PLB1: variants seen among roughly 807,000 people sequenced by gnomAD.
PLB1 encodes phospholipase B1, also known as phospholipase B1, membrane-associated.
A neutral mutation model predicts 227.4 loss-of-function variants in PLB1; 242 were observed. That is an observed-to-expected ratio of 1.06 (90% confidence interval 0.96 to 1.18). The LOEUF is 1.18. Ranked by LOEUF, PLB1 falls within the 50% of genes most tolerant of loss-of-function variation. PLB1 has a pLI of 0.00. For synonymous variants in PLB1, 757 were observed against 682.2 expected (o/e 1.11, Z -1.71); for missense variants, 1,858 against 1,816.3 (o/e 1.02, Z -0.42).
chr2:28,626,500 G>A lies in PLB1; in HGVS notation c.3652G>A (p.Glu1218Lys), dbSNP rs1029165682. ...IGVNDLCHYCENPEAHLATEY... is the reference protein window; with the variant it reads ...IGVNDLCHYCKNPEAHLATEY... ...GGTCAACGACTTGTGTCATTACTGT[G>A]AGAATCCGGTAGGCCCCCGACCAAC... Residue 1218 changes from glutamate to lysine, a missense_variant, in exon 51 of 58, where the codon GAG becomes AAG. By Grantham distance (56) the Glu-to-Lys change is moderately conservative. Transcript: ENST00000327757. The A allele has an allele frequency of 2.5e-6, 4 of 1,613,962 alleles. No individual in the cohort carries two copies. The African/African-American group carries it at 5.3e-5, about 22-fold the overall frequency.
chr2:28,599,829 G>A (rs1181714002), intron 35 of PLB1, among the ~76,000 whole-genome samples: 1 of 152,052 alleles, frequency 6.6e-6, no homozygotes, highest in African/African-American at 2.4e-5. Context: ...TGGCCAGGCT[G>A]GTCTCAAACT....
At chr2:28,597,638 G>T (rs13006819) in intron 33 of PLB1, among the ~76,000 whole-genome samples, 10,850 of 152,192 alleles carry the variant, frequency 0.071, 545 homozygotes, top group Non-Finnish European at 0.11. Flanking sequence ...TAACCTCTGT[G>T]CACCTCATTT....
chr2:28,575,759 G>A (rs1284513723), intron 21 of PLB1, among the ~76,000 whole-genome samples: 1 of 152,126 alleles, frequency 6.6e-6, no homozygotes. Flanking sequence ...CACCGTGTTA[G>A]CCAGGTTGGT....
At chr2:28,517,134 C>A (rs1233524596) in intron 2 of PLB1, among the ~76,000 whole-genome samples, 1 of 152,208 alleles carries the variant, frequency 6.6e-6, no homozygotes, top group Non-Finnish European at 1.5e-5. Flanking sequence ...GGCTTGTTAT[C>A]TCCATGAACC....
intron 12 of PLB1, among the ~76,000 whole-genome samples, chr2:28,541,112 C>T (rs1672416734): frequency 6.6e-6 from 1 of 152,062 alleles, no homozygotes. Context: ...GTGGAGGTTG[C>T]AGTGAGCCGA....
intron 56 of PLB1, among the ~76,000 whole-genome samples, chr2:28,637,351 G>A (rs570465727): frequency 9.3e-5 from 14 of 151,246 alleles, no homozygotes; most frequent in Admixed American, 2.0e-4. Flanking sequence ...GTGCCTGACC[G>A]GGCTTATCCC....
intron 1 of PLB1, among the ~76,000 whole-genome samples, chr2:28,509,914 AGGGTTAGTG>A (rs983613340): frequency 1.3e-5 from 2 of 152,130 alleles, no homozygotes; most frequent in Admixed American, 1.3e-4. Flanking sequence ...TGTCGCTCCA[AGGGTTAGTG>A]GGGCCAGAAG....
chr2:28,502,803 A>G (rs1390512710), intron 1 of PLB1, among the ~76,000 whole-genome samples: 1 of 151,768 alleles, frequency 6.6e-6, no homozygotes, highest in East Asian at 1.9e-4. Flanking sequence ...ATAATAATGG[A>G]TTTTTTTTCC....
chr2:28,507,463 T>G (rs1667760421), intron 1 of PLB1, among the ~76,000 whole-genome samples: 1 of 152,140 alleles, frequency 6.6e-6, no homozygotes, highest in Admixed American at 6.6e-5. Flanking sequence ...CATCCTTTTA[T>G]AACAAAACCA....
rs112085758 is a variant in PLB1 at position 28,499,523 on chromosome 2, GTTTT to G, written c.55+3367_55+3370del. Reference sequence around the variant, plus strand: ...TGTGCCGGCTGGTGCCTGCACAACAGTTTTTTTTTTTTTTTTAAAGAGGTGATGA... The same window carrying G: ...TGTGCCGGCTGGTGCCTGCACAACAGTTTTTTTTTTTTAAAGAGGTGATGA... On this transcript the variant is annotated intron_variant, in intron 1 of 57. Coordinates refer to ENST00000327757, the MANE Select transcript of PLB1 (RefSeq NM_153021.5). 2.0e-4 allele frequency among the ~76,000 whole-genome samples: 27 copies of G among 136,754 alleles called. 1 individual carries two copies. The highest frequency in any genetic ancestry group is 7.6e-3 in the Middle Eastern group (2 of 264). 89.7% of individuals were successfully genotyped at this position (136,754 alleles called of 152,430 possible). A position where few individuals can be genotyped will look rare whatever the true frequency, so the allele number is the denominator to read the frequency against.
chr2:28,539,258 G>C, intron 11 of PLB1, 80 bp downstream of exon 11: 1 of 1,270,332 alleles, frequency 7.9e-7, no homozygotes, highest in South Asian at 1.2e-5. Context: ...TTCATGTGCC[G>C]TAATCTATGA....
chr2:28,635,758 T>C (rs1469246027), intron 56 of PLB1, among the ~76,000 whole-genome samples: 1 of 152,186 alleles, frequency 6.6e-6, no homozygotes, highest in Non-Finnish European at 1.5e-5. Flanking sequence ...TCCTCTGCCT[T>C]CTTCTGTCTT....
At chr2:28,536,732 G>A (rs909908533) in intron 9 of PLB1, among the ~76,000 whole-genome samples, 9 of 152,178 alleles carry the variant, frequency 5.9e-5, no homozygotes, top group Non-Finnish European at 1.2e-4. Context: ...TTGGGTTCTA[G>A]GAGTTTATTA....
rs149152234 is a variant in PLB1, at chr2:28,643,279, G to A, written c.*218G>A. 3.8e-4 allele frequency: 172 copies of A among 454,020 alleles called. 1 individual carries two copies. The East Asian group carries it at 5.6e-3, about 15-fold the overall frequency. 28.1% of individuals were successfully genotyped at this position (454,020 alleles called of 1,614,324 possible). A position where few individuals can be genotyped will look rare whatever the true frequency, so the allele number is the denominator to read the frequency against. On this transcript the variant is annotated 3_prime_UTR_variant, in exon 58 of 58. Coordinates refer to ENST00000327757, the MANE Select transcript of PLB1 (RefSeq NM_153021.5). ...CCAAAGCTATTTTATTCCTGGGTTT[G>A]CCTGCGTGAAGCACTCACCTTCCAT...
At chr2:28,620,474 C>T (rs1686876732) in intron 47 of PLB1, 126 bp from the exon 48 acceptor site, 3 of 1,378,636 alleles carry the variant, frequency 2.2e-6, no homozygotes, top group Non-Finnish European at 3.0e-6. Flanking sequence ...CTTGCATTAC[C>T]CCTGAGGGTG....
chr2:28,543,400 A>T (rs1037410490), intron 14 of PLB1, 132 bp downstream of exon 14: 3 of 930,852 alleles, frequency 3.2e-6, no homozygotes, highest in Non-Finnish European at 4.7e-6. Context: ...GCCACCAGGG[A>T]TGCTTCTGTC....
At position 28,633,007 on chromosome 2, in the gene PLB1, G is replaced by A. The variant is rs573290788; in HGVS notation, c.4066G>A (p.Ala1356Thr). The A allele has an allele frequency of 6.2e-7, 1 of 1,614,112 alleles. No homozygotes were observed. ...TTTTCACTTCTCAGACCGCGGGCATGCCGAGATGGCCATCGCACTCTGGAA... is the reference window on the plus strand; with the variant it reads ...TTTTCACTTCTCAGACCGCGGGCATACCGAGATGGCCATCGCACTCTGGAA... ...DCFHFSDRGH[A>T]EMAIALWNNM... Residue 1356 changes from alanine to threonine, a missense_variant, in exon 56 of 58, where the codon GCC becomes ACC. By Grantham distance (58) the Ala-to-Thr change is moderately conservative. Transcript: ENST00000327757.
At chr2:28,497,349 C>T (rs1198053659) in intron 1 of PLB1, among the ~76,000 whole-genome samples, 8 of 152,206 alleles carry the variant, frequency 5.3e-5, no homozygotes, top group Non-Finnish European at 8.8e-5. Context: ...ATTCAGAGCT[C>T]GCTGTAGCGA....
intron 56 of PLB1, among the ~76,000 whole-genome samples, chr2:28,635,316 C>G (rs1158798505): frequency 6.6e-6 from 1 of 152,038 alleles, no homozygotes; most frequent in Non-Finnish European, 1.5e-5. Flanking sequence ...CCTAGAGTAA[C>G]AAAAAATAAA....
Sources: gnomAD v4.1 joint callset for allele counts (sites outside exome capture counted in the v4.1 genomes callset) on GRCh38, gnomAD v4.1.1 for gene constraint, MANE v1.5 for transcripts, NCBI Gene and HGNC (gene_info 2026-07-23, HGNC 2026-07-21) for gene names.